ADARB2: variants seen among roughly 807,000 people sequenced by gnomAD.
ADARB2 encodes inactive double-stranded RNA-specific editase B2.
In ADARB2, 25 loss-of-function variants were observed where a neutral mutation model predicts 62.2. That is an observed-to-expected ratio of 0.40 (90% CI 0.29 to 0.56). The LOEUF (loss-of-function observed/expected upper bound fraction) is 0.56, where lower values mean the gene tolerates loss of function less well. Ranked by LOEUF, ADARB2 falls within the 20% of genes least tolerant of loss-of-function variation. ADARB2 has a pLI of 0.43. For missense variants in ADARB2, 1,071 were observed against 1,077.4 expected (o/e 0.99, Z 0.08); for synonymous variants, 572 against 500.8 (o/e 1.14, Z -1.90).
chr10:1,581,602 C>G (rs190250874), intron 1 of ADARB2, among the ~76,000 whole-genome samples: 1 of 152,274 alleles, frequency 6.6e-6, no homozygotes, highest in East Asian at 1.9e-4. Context: ...TCTGATACTA[C>G]TCACCTCATG....
At chr10:1,613,169 G>A (rs1243896670) in intron 1 of ADARB2, among the ~76,000 whole-genome samples, 1 of 152,194 alleles carries the variant, frequency 6.6e-6, no homozygotes, top group Non-Finnish European at 1.5e-5. Flanking sequence ...AAGATCTGTG[G>A]AAGGAGAAAT....
Position 1,305,141 on chromosome 10 carries a change from T to A in ADARB2, c.1078-34072A>T, listed in dbSNP as rs922016313. Among the ~76,000 whole-genome samples the A allele has an allele frequency of 2.1e-5, 3 of 143,036 alleles. No homozygotes were observed. In the South Asian group the frequency reaches 7.6e-4, roughly 36 times the overall value. The allele number at this position is 143,036 out of a possible 152,430, so 93.8% of individuals were successfully genotyped here. A position where few individuals can be genotyped will look rare whatever the true frequency, so the allele number is the denominator to read the frequency against. On this transcript the variant is annotated intron_variant, in intron 3 of 9. Coordinates refer to ENST00000381312, the MANE Select transcript of ADARB2 (RefSeq NM_018702.4). ...GGTTTTTTGAAAGGATCAACAAAAT[T>A]GATAGACCACTAGCAAGACTAATAA...
At chr10:1,315,717 TACC>T (rs1361058445) in intron 3 of ADARB2, among the ~76,000 whole-genome samples, 1 of 152,216 alleles carries the variant, frequency 6.6e-6, no homozygotes, top group African/African-American at 2.4e-5. Flanking sequence ...CTCAAATATT[TACC>T]ACGTTAAATA....
At chr10:1,586,406 C>T (rs536300537) in intron 1 of ADARB2, among the ~76,000 whole-genome samples, 4 of 152,288 alleles carry the variant, frequency 2.6e-5, no homozygotes, top group African/African-American at 7.2e-5. Flanking sequence ...GAGCAGCTGG[C>T]GGGATGGTCG....
rs144668319 is a variant in ADARB2, at chr10:1,447,141, G to A, written c.101-67981C>T. 1.1e-3 allele frequency among the ~76,000 whole-genome samples: 166 copies of A among 152,250 alleles called. 1 individual carries two copies. The highest frequency in any genetic ancestry group is 3.8e-3 in the African/African-American group (157 of 41,538). ...GATGAGGATTCAATTAGCAGCCTTC[G>A]GATGCACGGGTCAGTGGGATACTAC... On this transcript the variant is annotated intron_variant, in intron 1 of 9. Coordinates refer to ENST00000381312, the MANE Select transcript of ADARB2 (RefSeq NM_018702.4).
At chr10:1,657,684 T>C (rs758577035) in intron 1 of ADARB2, among the ~76,000 whole-genome samples, 3 of 152,216 alleles carry the variant, frequency 2.0e-5, no homozygotes, top group Non-Finnish European at 4.4e-5. Context: ...AAATGCAGTA[T>C]GTCCTCTAAG....
At chr10:1,425,867 T>G (rs933596160) in intron 1 of ADARB2, among the ~76,000 whole-genome samples, 6 of 152,168 alleles carry the variant, frequency 3.9e-5, no homozygotes, top group African/African-American at 1.4e-4. Flanking sequence ...CATTGACTCC[T>G]CACGAAAGCC....
chr10:1,567,509 G>T (rs1229071276), intron 1 of ADARB2, among the ~76,000 whole-genome samples: 1 of 152,110 alleles, frequency 6.6e-6, no homozygotes, highest in East Asian at 1.9e-4. Flanking sequence ...CCATCAATCT[G>T]TCGGGACCCA....
rs1360488557 is a variant in ADARB2 at position 1,304,088 on chromosome 10, T to A, written c.1078-33019A>T. 2.1e-4 allele frequency among the ~76,000 whole-genome samples: 32 copies of A among 150,712 alleles called. 1 individual carries two copies. The highest frequency in any genetic ancestry group is 2.0e-3 in the Admixed American group (31 of 15,190). On this transcript the variant is annotated intron_variant, in intron 3 of 9. Coordinates refer to ENST00000381312, the MANE Select transcript of ADARB2 (RefSeq NM_018702.4). Reference sequence around the variant, plus strand: ...AAAAGACACAGACTGGCAAATTGGATAAAGAGTCAAGACCCATCAGTGTGC... The same window carrying A: ...AAAAGACACAGACTGGCAAATTGGAAAAAGAGTCAAGACCCATCAGTGTGC...
At position 1,389,809 on chromosome 10, in the gene ADARB2, G is replaced by T. The variant is rs377736799; in HGVS notation, c.101-10649C>A. Among the ~76,000 whole-genome samples, 19 of 151,714 alleles carry T rather than the reference G, an allele frequency of 1.3e-4. No individual in the cohort carries two copies. In the South Asian group the frequency reaches 3.8e-3, roughly 30 times the overall value. ...TAATAAATAAAAAATAAAGGCTGAC[G>T]GCGCTACATGTTTACATGTCAGTAA... On this transcript the variant is annotated intron_variant, in intron 1 of 9. Coordinates refer to ENST00000381312, the MANE Select transcript of ADARB2 (RefSeq NM_018702.4).
At chr10:1,305,109 A>T (rs1019564637) in intron 3 of ADARB2, among the ~76,000 whole-genome samples, 7 of 141,134 alleles carry the variant, frequency 5.0e-5, no homozygotes, top group South Asian at 2.7e-4. Flanking sequence ...TAATGAATCC[A>T]GGAGCTGGTT....
At chr10:1,634,677 A>C (rs1439153387) in intron 1 of ADARB2, among the ~76,000 whole-genome samples, 1 of 152,262 alleles carries the variant, frequency 6.6e-6, no homozygotes, top group East Asian at 1.9e-4. Flanking sequence ...CTTTAGAAGC[A>C]CACAATATCC....
intron 1 of ADARB2, among the ~76,000 whole-genome samples, chr10:1,433,225 C>T (rs1312756341): frequency 4.6e-5 from 7 of 152,120 alleles, no homozygotes; most frequent in Non-Finnish European, 7.4e-5. Flanking sequence ...CAGCATTCTC[C>T]GAATTGTGGC....
chr10:1,664,019 C>T (rs547181112), intron 1 of ADARB2, among the ~76,000 whole-genome samples: 43 of 152,322 alleles, frequency 2.8e-4, no homozygotes, highest in African/African-American at 9.9e-4. Context: ...CGAGTTTTGG[C>T]AATGATGAAT....
rs528062323 is a variant in ADARB2, at chr10:1,556,738, T to C, written c.101-177578A>G. Reference sequence around the variant, plus strand: ...CTGCCTGCCCATGTCAACAGAGTTGTGTGGGAGCCAGCCGGCCCCCAGGAA... The same window carrying C: ...CTGCCTGCCCATGTCAACAGAGTTGCGTGGGAGCCAGCCGGCCCCCAGGAA... On this transcript the variant is annotated intron_variant, in intron 1 of 9. Transcript: ENST00000381312. 2.4e-5 allele frequency: 13 copies of C among 534,500 alleles called. No individual in the cohort carries two copies. The East Asian group carries it at 7.1e-4, about 29-fold the overall frequency. 33.1% of individuals were successfully genotyped at this position (534,500 alleles called of 1,614,324 possible). A position where few individuals can be genotyped will look rare whatever the true frequency, so the allele number is the denominator to read the frequency against.
chr10:1,315,900 C>T (rs1831734935), intron 3 of ADARB2, among the ~76,000 whole-genome samples: 1 of 152,208 alleles, frequency 6.6e-6, no homozygotes, highest in Non-Finnish European at 1.5e-5. Flanking sequence ...CATTCATTTT[C>T]AAACATTTTC....
intron 1 of ADARB2, among the ~76,000 whole-genome samples, chr10:1,559,464 C>A (rs748230023): frequency 3.3e-5 from 5 of 152,166 alleles, no homozygotes; most frequent in Non-Finnish European, 5.9e-5. Flanking sequence ...CCTGTGCCCC[C>A]GAGATAGGGG....
chr10:1,601,508 G>T (rs190537975), intron 1 of ADARB2, among the ~76,000 whole-genome samples: 3 of 152,258 alleles, frequency 2.0e-5, no homozygotes, highest in Admixed American at 6.5e-5. Flanking sequence ...AATAAACACC[G>T]ATCTTAGCTA....
rs1450300964 is a variant in ADARB2, at chr10:1,398,138, C to T, written c.101-18978G>A. 1.4e-5 allele frequency among the ~76,000 whole-genome samples: 2 copies of T among 146,938 alleles called. No homozygotes were observed. The highest frequency in any genetic ancestry group is 4.1e-4 in the East Asian group (2 of 4,902). On this transcript the variant is annotated intron_variant, in intron 1 of 9. Transcript: ENST00000381312. This position sits in a 1 kb window ranked among gnomAD's most constrained non-coding sequence, Gnocchi z 4.1. ...TCCTGGGTCACCATCAGTCTCTCCC[C>T]TCCCGAGTGCAGGCTTCCTGGGTCA...
Sources: gnomAD v4.1 joint callset for allele counts (sites outside exome capture counted in the v4.1 genomes callset) on GRCh38, gnomAD v4.1.1 for gene constraint, Gnocchi (gnomAD v3.1) non-coding constraint, MANE v1.5 for transcripts, NCBI Gene and HGNC (gene_info 2026-07-23, HGNC 2026-07-21) for gene names.